The following AMMECR1L variants were observed in gnomAD, a reference collection of about 807,000 sequenced individuals.
The protein encoded by AMMECR1L is AMMECR1 like, also known as AMMECR1-like protein.
AMMECR1L carries 4 observed loss-of-function variants against 36.8 expected under a neutral mutation model. The observed-to-expected ratio is 0.11, with a 90% CI of 0.05 to 0.25. The LOEUF (loss-of-function observed/expected upper bound fraction) is 0.25. AMMECR1L is among the 10% of genes least tolerant of loss of function. AMMECR1L has a pLI of 1.00. For synonymous variants in AMMECR1L, 147 were observed against 148.0 expected (o/e 0.99, Z 0.05); for missense variants, 232 against 392.1 (o/e 0.59, Z 3.45).
chr2:127,879,798 C>T (rs952085387), intron 2 of AMMECR1L, among the ~76,000 whole-genome samples: 1 of 152,174 alleles, frequency 6.6e-6, no homozygotes, highest in Non-Finnish European at 1.5e-5. Context: ...TCCAGCAGCC[C>T]GGCTTTGTGA....
At position 127,871,422 on chromosome 2, in the gene AMMECR1L, C is replaced by G; in HGVS notation, c.408-63G>C. 1 of 1,523,694 alleles carries G rather than the reference C, an allele frequency of 6.6e-7. No individual in the cohort carries two copies. The highest frequency in any genetic ancestry group is 8.9e-7 in the Non-Finnish European group (1 of 1,121,886). 94.4% of individuals were successfully genotyped at this position (1,523,694 alleles called of 1,614,324 possible). On this transcript the variant is annotated intron_variant, in intron 3 of 7. Transcript: ENST00000272647. This position sits in a 1 kb window ranked among gnomAD's most constrained non-coding sequence, Gnocchi z 4.3. ...AATTAATCATGGATAAGAACAAAAC[C>G]TTTTGGCTTTGTCCCTATTCATTTC...
At chr2:127,876,035 G>A (rs960828304) in intron 2 of AMMECR1L, among the ~76,000 whole-genome samples, 6 of 152,148 alleles carry the variant, frequency 3.9e-5, no homozygotes, top group South Asian at 4.2e-4. Flanking sequence ...ACAAGGGAGG[G>A]ATCCGCTCCC....
Position 127,869,551 on chromosome 2 carries a change from A to G in AMMECR1L, c.634-7T>C, listed in dbSNP as rs1480490306. 1 of 1,607,142 alleles carries G rather than the reference A, an allele frequency of 6.2e-7. No homozygotes were observed. Among genetic ancestry groups the G allele is most frequent in the Non-Finnish European group, 8.5e-7 (1 of 1,173,782 alleles). On this transcript the variant is annotated splice_region_variant and splice_polypyrimidine_tract_variant and intron_variant, in intron 5 of 7. Coordinates refer to ENST00000272647, the MANE Select transcript of AMMECR1L (RefSeq NM_001199140.2). The surrounding 1 kb of genome is among the most constrained non-coding windows in gnomAD (Gnocchi z 4.7). The stretch of plus-strand genomic sequence containing the variant: ...GAATCCCATGGACCCCTACCTATAG[A>G]AAAAAGTACAACCAAGTAAATGGCA...
intron 1 of AMMECR1L, chr2:127,885,202 G>A: frequency 9.1e-6 from 9 of 985,240 alleles, no homozygotes; most frequent in African/African-American, 1.7e-5. Flanking sequence ...AGAAGAGGAG[G>A]AGGAGAAAGT....
At chr2:127,870,312 C>CA (rs552288496) in intron 5 of AMMECR1L, among the ~76,000 whole-genome samples, 28,188 of 130,786 alleles carry the variant, frequency 0.22, 3,916 homozygotes, top group African/African-American at 0.42. Flanking sequence ...GACTCTGTCT[C>CA]AAAAAAAAAA....
intron 2 of AMMECR1L, among the ~76,000 whole-genome samples, chr2:127,881,018 A>G (rs1691477182): frequency 6.6e-6 from 1 of 152,196 alleles, no homozygotes; most frequent in Non-Finnish European, 1.5e-5. Context: ...TAGGTCAACT[A>G]TCACCTAAAT....
chr2:127,869,308 T>C lies in AMMECR1L; in HGVS notation c.724+146A>G, dbSNP rs1239553070. 4 of 720,754 alleles carry C rather than the reference T, an allele frequency of 5.5e-6. No individual in the cohort carries two copies. Among genetic ancestry groups the C allele is most frequent in the South Asian group, 3.9e-5 (2 of 51,874 alleles). 44.6% of individuals were successfully genotyped at this position (720,754 alleles called of 1,614,324 possible). ...TTTTGGAAGTTTACCCTTGGTTCTATAGGAATTTGACAGGTATTAAGAGGC... is the reference window on the plus strand; with the variant it reads ...TTTTGGAAGTTTACCCTTGGTTCTACAGGAATTTGACAGGTATTAAGAGGC... On this transcript the variant is annotated intron_variant, in intron 6 of 7. Coordinates refer to ENST00000272647, the MANE Select transcript of AMMECR1L (RefSeq NM_001199140.2). This position sits in a 1 kb window ranked among gnomAD's most constrained non-coding sequence, Gnocchi z 4.7.
chr2:127,870,982 T>C, intron 4 of AMMECR1L, 54 bp from the exon 5 acceptor site: 1 of 1,365,412 alleles, frequency 7.3e-7, no homozygotes. Context: ...GGAGCCAATA[T>C]CAGGTGCCAT....
At position 127,864,468 on chromosome 2, in the gene AMMECR1L, A is replaced by G. The variant is rs953571141; in HGVS notation, c.*626T>C. On this transcript the variant is annotated 3_prime_UTR_variant, in exon 8 of 8. Coordinates refer to ENST00000272647, the MANE Select transcript of AMMECR1L (RefSeq NM_001199140.2). Reference sequence around the variant, plus strand: ...TCTTCACGGCCTACTGAGCAATGAGATCTGCAACGCCACCCAAAGGGCTTC... The same window carrying G: ...TCTTCACGGCCTACTGAGCAATGAGGTCTGCAACGCCACCCAAAGGGCTTC... The G allele has an allele frequency of 4.6e-5, 7 of 152,300 alleles. No homozygotes were observed. Among genetic ancestry groups the G allele is most frequent in the African/African-American group, 1.7e-4 (7 of 41,410 alleles). 9.4% of individuals were successfully genotyped at this position (152,300 alleles called of 1,614,324 possible).
At position 127,865,081 on chromosome 2, in the gene AMMECR1L, A is replaced by T. The variant is rs761077452; in HGVS notation, c.*13T>A. On this transcript the variant is annotated 3_prime_UTR_variant, in exon 8 of 8. Transcript: ENST00000272647. This position sits in a 1 kb window ranked among gnomAD's most constrained non-coding sequence, Gnocchi z 5.4. Reference sequence around the variant, plus strand: ...TGGCCACGGGGGGGTGGGACTGGTCATGCAGCCGTGTGTCAGGAGTAATGA... The same window carrying T: ...TGGCCACGGGGGGGTGGGACTGGTCTTGCAGCCGTGTGTCAGGAGTAATGA... 3.1e-6 allele frequency: 5 copies of T among 1,607,332 alleles called. No individual in the cohort carries two copies. The highest frequency in any genetic ancestry group is 4.3e-6 in the Non-Finnish European group (5 of 1,175,010).
intron 1 of AMMECR1L, chr2:127,884,953 C>T (rs1044520111): frequency 1.7e-5 from 3 of 171,950 alleles, no homozygotes; most frequent in African/African-American, 4.8e-5. Flanking sequence ...GCCCCACCCA[C>T]TCTATCCTAG....
At chr2:127,880,912 C>T (rs745799269) in intron 2 of AMMECR1L, among the ~76,000 whole-genome samples, 9 of 152,160 alleles carry the variant, frequency 5.9e-5, no homozygotes, top group South Asian at 2.1e-4. Context: ...CTATTCTTAT[C>T]AACAATCTCC....
chr2:127,876,336 C>T (rs553275559), intron 2 of AMMECR1L, among the ~76,000 whole-genome samples: 2 of 129,652 alleles, frequency 1.5e-5, no homozygotes, highest in African/African-American at 2.9e-5. Flanking sequence ...GGCAACAGAG[C>T]AAGGCCCTGT....
intron 5 of AMMECR1L, among the ~76,000 whole-genome samples, chr2:127,870,516 T>C (rs1690916637): frequency 6.6e-6 from 1 of 151,772 alleles, no homozygotes; most frequent in South Asian, 2.1e-4. Context: ...ACTCCAGGGC[T>C]TGCCAAGAAG....
chr2:127,885,944 G>A lies in AMMECR1L; in HGVS notation c.-283C>T. 3 of 990,984 alleles carry A rather than the reference G, an allele frequency of 3.0e-6. No homozygotes were observed. The highest frequency in any genetic ancestry group is 3.6e-6 in the Non-Finnish European group (3 of 834,168). 61.4% of individuals were successfully genotyped at this position (990,984 alleles called of 1,614,324 possible). On this transcript the variant is annotated 5_prime_UTR_variant, in exon 1 of 8. Coordinates refer to ENST00000272647, the MANE Select transcript of AMMECR1L (RefSeq NM_001199140.2). ...GGCCTGCGGGCGGGCCGGACGCGCT[G>A]CGCGGACGGGGCGGGGCGAAGGAGG...
At chr2:127,881,582 G>C (rs1303402157) in intron 2 of AMMECR1L, among the ~76,000 whole-genome samples, 1 of 152,168 alleles carries the variant, frequency 6.6e-6, no homozygotes, top group Non-Finnish European at 1.5e-5. Flanking sequence ...GTGGACTTGG[G>C]CTCCTGCTAC....
intron 6 of AMMECR1L, among the ~76,000 whole-genome samples, chr2:127,867,834 G>C (rs1442387915): frequency 2.0e-5 from 3 of 152,160 alleles, no homozygotes; most frequent in Non-Finnish European, 4.4e-5. Flanking sequence ...CCTTCAGGAA[G>C]GGCAGACAAG....
chr2:127,885,620 A>T, intron 1 of AMMECR1L, 190 bp downstream of exon 1: 7 of 980,660 alleles, frequency 7.1e-6, no homozygotes, highest in Non-Finnish European at 8.5e-6. Flanking sequence ...ACATGGCCTG[A>T]GGCCCCGCCC....
Position 127,885,890 on chromosome 2 carries a change from C to T in AMMECR1L, c.-229G>A. 1.0e-6 allele frequency: 1 copy of T among 986,106 alleles called. No individual in the cohort carries two copies. Among genetic ancestry groups the T allele is most frequent in the Non-Finnish European group, 1.2e-6 (1 of 830,028 alleles). The allele number at this position is 986,106 out of a possible 1,614,324, so 61.1% of individuals were successfully genotyped here. A position where few individuals can be genotyped will look rare whatever the true frequency, so the allele number is the denominator to read the frequency against. On this transcript the variant is annotated 5_prime_UTR_variant, in exon 1 of 8. Coordinates refer to ENST00000272647, the MANE Select transcript of AMMECR1L (RefSeq NM_001199140.2). ...CCTCCTCTTGCTTCATGGAGCCATGCGCCTGGGTGGGGGCTCCCGAGAGAA... is the reference window on the plus strand; with the variant it reads ...CCTCCTCTTGCTTCATGGAGCCATGTGCCTGGGTGGGGGCTCCCGAGAGAA...
Sources: gnomAD v4.1 joint callset for allele counts (sites outside exome capture counted in the v4.1 genomes callset) on GRCh38, gnomAD v4.1.1 for gene constraint, Gnocchi (gnomAD v3.1) non-coding constraint, MANE v1.5 for transcripts, NCBI Gene and HGNC (gene_info 2026-07-23, HGNC 2026-07-21) for gene names.